GABPB1: variants seen among roughly 807,000 people sequenced by gnomAD.
GABPB1 encodes GA-binding protein subunit beta-1.
A neutral mutation model predicts 45.9 loss-of-function variants in GABPB1; 15 were observed. The observed-to-expected ratio is 0.33, with a 90% CI of 0.22 to 0.50. The LOEUF (loss-of-function observed/expected upper bound fraction) is 0.50, where lower values mean the gene tolerates loss of function less well. GABPB1 is among the 20% of genes least tolerant of loss of function. The pLI, the probability that GABPB1 is intolerant of heterozygous loss-of-function variation, is 0.98. For synonymous variants in GABPB1, 143 were observed against 154.4 expected (o/e 0.93, Z 0.55); for missense variants, 252 against 457.5 (o/e 0.55, Z 4.10).
chr15:50,275,745 G>A lies in GABPB1; in HGVS notation c.*2887C>T, dbSNP rs890277423. On this transcript the variant is annotated 3_prime_UTR_variant, in exon 9 of 9. Coordinates refer to ENST00000380877, the MANE Select transcript of GABPB1 (RefSeq NM_016654.5). Reference sequence around the variant, plus strand: ...AAGAAAATAATTCCTAAAAGCCAACGAAAACAAATGACATCACAAGTCCTT... The same window carrying A: ...AAGAAAATAATTCCTAAAAGCCAACAAAAACAAATGACATCACAAGTCCTT... The A allele has an allele frequency of 6.6e-6, 1 of 152,050 alleles. No homozygotes were observed. Among genetic ancestry groups the A allele is most frequent in the African/African-American group, 2.4e-5 (1 of 41,396 alleles). 9.4% of individuals were successfully genotyped at this position (152,050 alleles called of 1,614,324 possible).
chr15:50,304,190 T>C (rs1387231442), intron 2 of GABPB1, 57 bp from the exon 3 acceptor site: 1 of 1,403,172 alleles, frequency 7.1e-7, no homozygotes, highest in African/African-American at 1.5e-5. Context: ...TACACTTCTG[T>C]TTATATAGTA....
chr15:50,279,621 G>A lies in GABPB1; in HGVS notation c.1000-837C>T, dbSNP rs531540175. On this transcript the variant is annotated intron_variant, in intron 8 of 8. Transcript: ENST00000380877. ...ATTCAGTTATTGCAGGAAAAACAAG[G>A]AGAAACATTTCAACGAACCCATTCC... is the stretch of plus-strand genomic sequence containing the variant. Among the ~76,000 whole-genome samples, 4 of 152,266 alleles carry A rather than the reference G, an allele frequency of 2.6e-5. No homozygotes were observed. The East Asian group carries it at 5.8e-4, about 22-fold the overall frequency.
At position 50,349,546 on chromosome 15, in the gene GABPB1, G is replaced by C. The variant is rs147212197; in HGVS notation, c.-1+5439C>G. On this transcript the variant is annotated intron_variant, in intron 1 of 8. Coordinates refer to ENST00000380877, the MANE Select transcript of GABPB1 (RefSeq NM_016654.5). The stretch of plus-strand genomic sequence containing the variant: ...GTATGACTAACTGGGATGACACTGG[G>C]ATGAATATTTAAAATATTACACATA... The C allele has an allele frequency of 1.4e-3, 217 of 152,226 alleles. 3 individuals carry two copies. The highest frequency in any genetic ancestry group is 5.1e-3 in the African/African-American group (211 of 41,532). 9.4% of individuals were successfully genotyped at this position (152,226 alleles called of 1,614,324 possible). A position where few individuals can be genotyped will look rare whatever the true frequency, so the allele number is the denominator to read the frequency against.
At chr15:50,344,286 G>A (rs1297588977) in intron 1 of GABPB1, among the ~76,000 whole-genome samples, 1 of 152,168 alleles carries the variant, frequency 6.6e-6, no homozygotes, top group African/African-American at 2.4e-5. Flanking sequence ...GTAAACAACT[G>A]GGAGTCATTC....
chr15:50,333,054 C>G (rs561037468), intron 1 of GABPB1, among the ~76,000 whole-genome samples: 2 of 151,296 alleles, frequency 1.3e-5, no homozygotes, highest in East Asian at 1.9e-4. Flanking sequence ...GGCTTAATAA[C>G]TTATTAATAA....
intron 6 of GABPB1, among the ~76,000 whole-genome samples, chr15:50,295,554 T>C (rs2046481990): frequency 6.6e-6 from 1 of 151,838 alleles, no homozygotes; most frequent in Non-Finnish European, 1.5e-5. Flanking sequence ...TGCTTCTGTA[T>C]ACTAATAAAT....
chr15:50,324,471 G>T (rs986314233), intron 1 of GABPB1, among the ~76,000 whole-genome samples: 1 of 151,794 alleles, frequency 6.6e-6, no homozygotes, highest in African/African-American at 2.4e-5. Flanking sequence ...CAGCCTCAAA[G>T]GTGGGCTCCC....
chr15:50,286,092 G>A lies in GABPB1; in HGVS notation c.975C>T (p.Asn325=), dbSNP rs756844700. 2 of 1,612,240 alleles carry A rather than the reference G, an allele frequency of 1.2e-6. No individual in the cohort carries two copies. The highest frequency in any genetic ancestry group is 1.7e-6 in the Non-Finnish European group (2 of 1,179,152). The change falls in exon 8 of 9, where the codon AAC becomes AAT. Residue 325 remains asparagine, a synonymous_variant. Transcript: ENST00000380877. ...CTTCTATTTCTGCAGATTCCACCCG[G>A]TTTTCAATTATTTCGATACATTGTC... ...AKRQCIEIIE[N]RVESAEIEER...
intron 1 of GABPB1, among the ~76,000 whole-genome samples, chr15:50,337,421 ACT>A (rs984768017): frequency 1.8e-4 from 28 of 151,762 alleles, no homozygotes; most frequent in African/African-American, 6.1e-4. Flanking sequence ...TTACTAGTAA[ACT>A]CTCTTCTCTT....
chr15:50,315,131 A>G (rs111306391), intron 1 of GABPB1, among the ~76,000 whole-genome samples: 111 of 152,122 alleles, frequency 7.3e-4, no homozygotes, highest in African/African-American at 2.6e-3. Context: ...ATTAACTATG[A>G]TTTTCTTTCT....
In GABPB1 at chr15:50,277,251, T is replaced by G. The variant is rs1215193373; in HGVS notation, c.*1381A>C. ...ATGTGATAAAAACATAAGTCTACAA[T>G]GAACATATGTGAAAAAGATATTTAA... On this transcript the variant is annotated 3_prime_UTR_variant, in exon 9 of 9. Coordinates refer to ENST00000380877, the MANE Select transcript of GABPB1 (RefSeq NM_016654.5). 1 of 152,112 alleles carries G rather than the reference T, an allele frequency of 6.6e-6. No individual in the cohort carries two copies. The highest frequency in any genetic ancestry group is 1.5e-5 in the Non-Finnish European group (1 of 68,006). 9.4% of individuals were successfully genotyped at this position (152,112 alleles called of 1,614,324 possible).
chr15:50,317,014 T>C (rs1175612727), intron 1 of GABPB1, among the ~76,000 whole-genome samples: 2 of 151,952 alleles, frequency 1.3e-5, no homozygotes, highest in Non-Finnish European at 2.9e-5. Flanking sequence ...AATAATACTA[T>C]ATATATTCAT....
Position 50,304,020 on chromosome 15 carries a change from T to C in GABPB1, c.222A>G (p.Pro74=), listed in dbSNP as rs150515395. The C allele has an allele frequency of 2.5e-6, 4 of 1,613,344 alleles. No homozygotes were observed. In the African/African-American group the frequency reaches 5.3e-5, roughly 22 times the overall value. ...GGCCCTCAGAAGCTGCCATATGTAA[T>C]GGTGTTCGGTCCACTTTGGTTCTGG... is the stretch of plus-strand genomic sequence containing the variant. ...RDARTKVDRT[P]LHMAASEGHA... The change falls in exon 3 of 9, where the codon CCA becomes CCG. Residue 74 remains proline (P), a synonymous_variant. Transcript: ENST00000380877.
chr15:50,295,591 T>G (rs948298259), intron 6 of GABPB1, among the ~76,000 whole-genome samples: 4 of 151,072 alleles, frequency 2.6e-5, no homozygotes, highest in African/African-American at 9.8e-5. Flanking sequence ...GTAGTTTTCC[T>G]CATAAGAAAA....
In GABPB1 at chr15:50,302,643, CAAAAAAAAAAA is replaced by C. The variant is rs60408137; in HGVS notation, c.471+275_471+285del. On this transcript the variant is annotated intron_variant, in intron 4 of 8. Coordinates refer to ENST00000380877, the MANE Select transcript of GABPB1 (RefSeq NM_016654.5). ...TGGGGGACAGATCAAGACTCTGGCT[CAAAAAAAAAAA>C]AAAAAAAAAAAAAAAGGTCTAAAGG... Among the ~76,000 whole-genome samples, 251 of 62,178 alleles carry C rather than the reference CAAAAAAAAAAA, an allele frequency of 4.0e-3. 4 individuals carry two copies. Among genetic ancestry groups the C allele is most frequent in the Non-Finnish European group, 6.6e-3 (210 of 32,060 alleles). The allele number at this position is 62,178 out of a possible 152,430, so 40.8% of individuals were successfully genotyped here.
At chr15:50,337,321 T>C (rs576423914) in intron 1 of GABPB1, among the ~76,000 whole-genome samples, 178 of 151,662 alleles carry the variant, frequency 1.2e-3, no homozygotes, top group African/African-American at 4.2e-3. Flanking sequence ...CACCTCCAAC[T>C]GTTATGAGAT....
intron 2 of GABPB1, among the ~76,000 whole-genome samples, chr15:50,308,139 G>C (rs568195704): frequency 8.4e-4 from 128 of 152,134 alleles, no homozygotes; most frequent in Non-Finnish European, 1.1e-3. Context: ...GTCCAAATTG[G>C]CATGTGTTCA....
intron 6 of GABPB1, among the ~76,000 whole-genome samples, chr15:50,291,317 A>G (rs1001959289): frequency 7.9e-6 from 1 of 127,164 alleles, no homozygotes; most frequent in South Asian, 2.6e-4. Context: ...ATTACTATCC[A>G]TTGAATTTTT....
chr15:50,284,952 A>AT (rs989255349), intron 8 of GABPB1, among the ~76,000 whole-genome samples: 12 of 152,308 alleles, frequency 7.9e-5, no homozygotes, highest in African/African-American at 2.9e-4. Flanking sequence ...ATTTTACCAA[A>AT]TATTCCGGTT....
Sources: gnomAD v4.1 joint callset for allele counts (sites outside exome capture counted in the v4.1 genomes callset) on GRCh38, gnomAD v4.1.1 for gene constraint, MANE v1.5 for transcripts, NCBI Gene and HGNC (gene_info 2026-07-23, HGNC 2026-07-21) for gene names.